Variants in B3GALNT2 observed in about 807,000 individuals in gnomAD.
B3GALNT2 encodes UDP-GalNAc:beta-1,3-N-acetylgalactosaminyltransferase 2.
B3GALNT2 carries 53 observed loss-of-function variants against 61.1 expected under a neutral mutation model. The observed-to-expected ratio is 0.87, with a 90% CI of 0.70 to 1.09. The LOEUF (loss-of-function observed/expected upper bound fraction) is 1.09, where lower values mean the gene tolerates loss of function less well. Ranked by LOEUF, B3GALNT2 falls within the 50% of genes least tolerant of loss-of-function variation. B3GALNT2 has a pLI of 0.00. For synonymous variants in B3GALNT2, 223 were observed against 237.4 expected (o/e 0.94, Z 0.56); for missense variants, 544 against 623.0 (o/e 0.87, Z 1.35).
intron 11 of B3GALNT2, chr1:235,452,376 T>C (rs1682959513): frequency 6.6e-6 from 1 of 152,146 alleles, no homozygotes; most frequent in African/African-American, 2.4e-5. Flanking sequence ...TGCTTTAAAC[T>C]CAGAAAAATA....
chr1:235,481,443 A>T (rs1396548512), intron 4 of B3GALNT2, among the ~76,000 whole-genome samples: 1 of 152,150 alleles, frequency 6.6e-6, no homozygotes, highest in African/African-American at 2.4e-5. Flanking sequence ...TCCTGGGCTC[A>T]AGTGATCCTC....
In B3GALNT2 at chr1:235,450,056, A is replaced by G; in HGVS notation, c.*150T>C. On this transcript the variant is annotated 3_prime_UTR_variant, in exon 12 of 12. Coordinates refer to ENST00000366600, the MANE Select transcript of B3GALNT2 (RefSeq NM_152490.5). ...TAAGGAAATTTGTGCAAACATTAAG[A>G]AACACCGCATTGGTTCTGGGTGAAA... 2.2e-6 allele frequency: 2 copies of G among 899,838 alleles called. No homozygotes were observed. Among genetic ancestry groups the G allele is most frequent in the Middle Eastern group, 3.5e-4 (1 of 2,860 alleles). The allele number at this position is 899,838 out of a possible 1,614,324, so 55.7% of individuals were successfully genotyped here. A position where few individuals can be genotyped will look rare whatever the true frequency, so the allele number is the denominator to read the frequency against.
chr1:235,462,566 C>G (rs528244696), intron 7 of B3GALNT2, among the ~76,000 whole-genome samples: 1 of 152,316 alleles, frequency 6.6e-6, no homozygotes, highest in East Asian at 1.9e-4. Context: ...TGTCTATATA[C>G]TCGCAATGAA....
chr1:235,498,438 C>A (rs1685429570), intron 1 of B3GALNT2, among the ~76,000 whole-genome samples: 1 of 152,210 alleles, frequency 6.6e-6, no homozygotes, highest in Non-Finnish European at 1.5e-5. Flanking sequence ...TGAATTAGAG[C>A]AATGAGACAC....
intron 11 of B3GALNT2, chr1:235,452,463 T>C (rs1032049026): frequency 3.3e-5 from 5 of 152,230 alleles, no homozygotes; most frequent in African/African-American, 1.2e-4. Context: ...ATCCTCATTC[T>C]TTCTGCCCAT....
chr1:235,459,579 C>T, intron 7 of B3GALNT2, among the ~76,000 whole-genome samples: 1 of 152,096 alleles, frequency 6.6e-6, no homozygotes, highest in East Asian at 1.9e-4. Context: ...GCTATGATTA[C>T]ACCACTGAAC....
downstream of B3GALNT2, among the ~76,000 whole-genome samples, chr1:235,446,929 C>T (rs1436999785): frequency 3.3e-5 from 5 of 152,114 alleles, no homozygotes; most frequent in African/African-American, 1.2e-4. Context: ...GATCCCTCTG[C>T]CTCCCAAAGT....
chr1:235,477,492 C>T (rs751992075), intron 5 of B3GALNT2, among the ~76,000 whole-genome samples: 2 of 152,066 alleles, frequency 1.3e-5, no homozygotes, highest in Non-Finnish European at 2.9e-5. Flanking sequence ...CATAAAACTG[C>T]GATTAGCTTG....
rs1683961034 is a variant in B3GALNT2, at chr1:235,470,830, CT to C, written c.762+19del. On this transcript the variant is annotated intron_variant, in intron 6 of 11. Transcript: ENST00000366600. ...AAGAAGCTAAAATATGCAATTAAAC[CT>C]TAAAAAAAAACGACTTACTGTAATG... The C allele has an allele frequency of 6.3e-7, 1 of 1,591,190 alleles. No individual in the cohort carries two copies. Among genetic ancestry groups the C allele is most frequent in the African/African-American group, 1.4e-5 (1 of 73,834 alleles).
At chr1:235,489,556 G>C (rs546178914) in intron 2 of B3GALNT2, among the ~76,000 whole-genome samples, 49 of 152,278 alleles carry the variant, frequency 3.2e-4, no homozygotes, top group African/African-American at 1.2e-3. Flanking sequence ...GCAAACTATA[G>C]TAAAGTCAGT....
chr1:235,501,601 T>A (rs915661067), intron 1 of B3GALNT2, among the ~76,000 whole-genome samples: 2 of 152,152 alleles, frequency 1.3e-5, no homozygotes, highest in African/African-American at 2.4e-5. Context: ...ACACCTACGA[T>A]AGGAGCTGGC....
chr1:235,458,144 G>A (rs1286408586), intron 8 of B3GALNT2, among the ~76,000 whole-genome samples: 2 of 152,140 alleles, frequency 1.3e-5, no homozygotes, highest in Admixed American at 1.3e-4. Context: ...CAGATCTCAA[G>A]TGATCTGCCT....
rs76477317 is a variant in B3GALNT2, at chr1:235,501,106, C to G, written c.112+3035G>C. On this transcript the variant is annotated intron_variant, in intron 1 of 11. Coordinates refer to ENST00000366600, the MANE Select transcript of B3GALNT2 (RefSeq NM_152490.5). ...TTTCCAGATACCCTAGAAAGCGAAG[C>G]CTTCTTTTGTCACATCATTTTTCTA... is the stretch of plus-strand genomic sequence containing the variant. Among the ~76,000 whole-genome samples, 916 of 152,256 alleles carry G rather than the reference C, an allele frequency of 6.0e-3. 6 individuals are homozygous for G. The highest frequency in any genetic ancestry group is 9.3e-3 in the Non-Finnish European group (634 of 68,014).
rs1682809027 is a variant in B3GALNT2, at chr1:235,450,204, T to C, written c.*2A>G. ...TTTAGACTCTGCTAATTCAAGTCCC[T>C]GTTATCTTGCTTGACATCGACAAGG... On this transcript the variant is annotated 3_prime_UTR_variant, in exon 12 of 12. Transcript: ENST00000366600. 1 of 1,614,024 alleles carries C rather than the reference T, an allele frequency of 6.2e-7. No individual in the cohort carries two copies. Among genetic ancestry groups the C allele is most frequent in the South Asian group, 1.1e-5 (1 of 91,090 alleles).
chr1:235,480,801 G>A (rs1396026570), intron 4 of B3GALNT2, among the ~76,000 whole-genome samples: 1 of 149,330 alleles, frequency 6.7e-6, no homozygotes, highest in African/African-American at 2.5e-5. Flanking sequence ...AGCTACTTAG[G>A]AGGCTGAAGC....
chr1:235,467,415 G>C (rs1467127301), intron 6 of B3GALNT2, among the ~76,000 whole-genome samples: 1 of 151,484 alleles, frequency 6.6e-6, no homozygotes, highest in Non-Finnish European at 1.5e-5. Flanking sequence ...TAAAGGGGCA[G>C]GCTATAGATT....
At position 235,453,160 on chromosome 1, in the gene B3GALNT2, A is replaced by G. The variant is rs761750925; in HGVS notation, c.1312-14T>C. ...TACATCTTCACCCTATACATGGCCC[A>G]TAAAGTTTAAATGTAAAAATTTTAA... On this transcript the variant is annotated splice_polypyrimidine_tract_variant and intron_variant, in intron 10 of 11. Transcript: ENST00000366600. 1.2e-6 allele frequency: 2 copies of G among 1,607,612 alleles called. No individual in the cohort carries two copies. The highest frequency in any genetic ancestry group is 2.2e-5 in the East Asian group (1 of 44,846).
rs1682519101 is a variant in B3GALNT2, at chr1:235,447,944, C to A, written c.*2262G>T. Among the ~76,000 whole-genome samples the A allele has an allele frequency of 6.6e-6, 1 of 151,914 alleles. No individual in the cohort carries two copies. The highest frequency in any genetic ancestry group is 1.5e-5 in the Non-Finnish European group (1 of 68,036). On this transcript the variant is annotated 3_prime_UTR_variant, in exon 12 of 12. Coordinates refer to ENST00000366600, the MANE Select transcript of B3GALNT2 (RefSeq NM_152490.5). ...ATGAAAGATACAGCCAGGCGCTGGG[C>A]TCATGCTTGTAATCCCAGCACTTTG...
chr1:235,440,709 T>G, the B3GALNT2 span: 1 of 152,218 alleles, frequency 6.6e-6, no homozygotes, highest in Non-Finnish European at 1.5e-5. Context: ...CTGTATTTTT[T>G]TAAAGCCCCC....
Sources: allele counts gnomAD v4.1 joint callset (sites outside exome capture counted in the v4.1 genomes callset), GRCh38; gene constraint gnomAD v4.1.1; transcripts MANE v1.5; gene names NCBI Gene and HGNC (gene_info 2026-07-23, HGNC 2026-07-21).